Variants in PIBF1 observed in about 807,000 individuals in gnomAD.
PIBF1 encodes progesterone immunomodulatory binding factor 1.
In PIBF1, 90 loss-of-function variants were observed where a neutral mutation model predicts 112.5. That is an observed-to-expected ratio of 0.80 (90% CI 0.67 to 0.95). The LOEUF (loss-of-function observed/expected upper bound fraction) is 0.95. Among genes scored for constraint, PIBF1 ranks in the 40% least tolerant of loss-of-function variants. The pLI is 0.00. For synonymous variants in PIBF1, 301 were observed against 288.6 expected, an observed-to-expected ratio of 1.04 and a Z score of -0.44; for missense variants, 915 against 852.3, an observed-to-expected ratio of 1.07 and a Z score of -0.92.
At position 72,999,006 on chromosome 13, in the gene PIBF1, T is replaced by G. The variant is rs1330909450; in HGVS notation, c.2223+11T>G. On this transcript the variant is annotated intron_variant, in intron 17 of 17. Transcript: ENST00000326291. ...AAACCAACACTCTTTGTAAGTACAA[T>G]TTTTAAAACTCATAATTTTAATATT... 1 of 1,489,960 alleles carries G rather than the reference T, an allele frequency of 6.7e-7. No homozygotes were observed. Among genetic ancestry groups the G allele is most frequent in the East Asian group, 2.3e-5 (1 of 43,472 alleles). The allele number at this position is 1,489,960 out of a possible 1,614,324, so 92.3% of individuals were successfully genotyped here.
intron 17 of PIBF1, among the ~76,000 whole-genome samples, chr13:73,015,529 C>T (rs2044358653): frequency 6.6e-6 from 1 of 152,106 alleles, no homozygotes; most frequent in African/African-American, 2.4e-5. Context: ...TATCTATTAT[C>T]TATATAGATG....
rs1187665155 is a variant in PIBF1, at chr13:72,933,158, TCA to T, written c.1833+1894_1833+1895del. ...TAGATCCCTCATGTTGCCTTTAATT[TCA>T]CAGTAATTTTCAAAAATATTTTTTA... is the stretch of plus-strand genomic sequence containing the variant. On this transcript the variant is annotated intron_variant, in intron 14 of 17. Transcript: ENST00000326291. Among the ~76,000 whole-genome samples the T allele has an allele frequency of 2.6e-5, 4 of 152,344 alleles. No individual in the cohort carries two copies. The East Asian group carries it at 7.7e-4, about 29-fold the overall frequency.
intron 5 of PIBF1, among the ~76,000 whole-genome samples, chr13:72,806,152 A>G (rs2138030430): frequency 6.6e-6 from 1 of 152,328 alleles, no homozygotes; most frequent in East Asian, 1.9e-4. Flanking sequence ...GATCTCTAGT[A>G]CTTTTGTATG....
intron 17 of PIBF1, 89 bp from the exon 18 acceptor site, chr13:73,015,780 A>T: frequency 1.7e-6 from 1 of 580,668 alleles, no homozygotes; most frequent in Non-Finnish European, 2.8e-6. Context: ...CTTACATAAA[A>T]AAACCTCAAT....
chr13:72,942,467 G>A (rs1420978845), intron 14 of PIBF1, among the ~76,000 whole-genome samples: 2 of 151,802 alleles, frequency 1.3e-5, no homozygotes, highest in Non-Finnish European at 2.9e-5. Context: ...TTTCAATGCC[G>A]AATCCCTTGT....
intron 11 of PIBF1, chr13:72,901,104 A>G (rs1245687889): frequency 4.5e-6 from 2 of 448,184 alleles, no homozygotes; most frequent in Admixed American, 4.8e-5. Context: ...CAGCAAAAGG[A>G]ACAGTCAACA....
rs543305270 is a variant in PIBF1, at chr13:72,991,345, T to A, written c.2050-7477T>A. On this transcript the variant is annotated intron_variant, in intron 16 of 17. Transcript: ENST00000326291. ...ATCCTTGCCCTTAACTCTTCAATTT[T>A]GAAAAGTAATTATTATACTGCAACA... Among the ~76,000 whole-genome samples the A allele has an allele frequency of 8.2e-4, 125 of 152,216 alleles. 1 individual carries two copies. The highest frequency in any genetic ancestry group is 1.6e-3 in the Non-Finnish European group (111 of 68,050).
Position 72,883,768 on chromosome 13 carries a change from G to A in PIBF1, c.1323-10016G>A, listed in dbSNP as rs372143701. Among the ~76,000 whole-genome samples, 8 of 152,272 alleles carry A rather than the reference G, an allele frequency of 5.3e-5. No homozygotes were observed. The East Asian group carries it at 7.7e-4, about 15-fold the overall frequency. On this transcript the variant is annotated intron_variant, in intron 10 of 17. Transcript: ENST00000326291. ...CTCCCAAACTTCTGGAATTACAAGC[G>A]TGAGTCACCACGCCTGGCCTAATTG...
intron 11 of PIBF1, among the ~76,000 whole-genome samples, chr13:72,904,046 A>T (rs1327492050): frequency 6.6e-6 from 1 of 152,148 alleles, no homozygotes; most frequent in Non-Finnish European, 1.5e-5. Flanking sequence ...AATGACGGGA[A>T]AATGGAAGTA....
intron 5 of PIBF1, among the ~76,000 whole-genome samples, chr13:72,815,814 C>G (rs1349775731): frequency 3.9e-5 from 6 of 152,146 alleles, no homozygotes; most frequent in Admixed American, 3.9e-4. Flanking sequence ...TACAGGCATG[C>G]ACCATCACAC....
chr13:72,810,887 C>T (rs2035975209), intron 5 of PIBF1, among the ~76,000 whole-genome samples: 2 of 148,534 alleles, frequency 1.3e-5, no homozygotes, highest in African/African-American at 2.5e-5. Context: ...GACGGAGTCT[C>T]GTTCTGTTGC....
intron 16 of PIBF1, among the ~76,000 whole-genome samples, chr13:72,985,996 A>AAT (rs1566519595): frequency 4.6e-5 from 7 of 151,760 alleles, no homozygotes; most frequent in African/African-American, 1.7e-4. Context: ...AGAAAAAAAA[A>AAT]TTTTTTAAAA....
At chr13:72,827,622 G>A in intron 7 of PIBF1, 111 bp from the exon 8 acceptor site, 1 of 638,760 alleles carries the variant, frequency 1.6e-6, no homozygotes, top group Non-Finnish European at 2.5e-6. Context: ...CTTTTTAAAA[G>A]GAAAATTTTC....
chr13:72,894,077 AAAC>A (rs1566415370), intron 11 of PIBF1, 128 bp downstream of exon 11: 1 of 472,760 alleles, frequency 2.1e-6, no homozygotes, highest in Non-Finnish European at 3.6e-6. Context: ...AAAAAAAAAA[AAAC>A]AAGGAAATAC....
chr13:72,792,681 C>G (rs1355015062), intron 3 of PIBF1, 134 bp downstream of exon 3: 1 of 554,810 alleles, frequency 1.8e-6, no homozygotes, highest in East Asian at 3.2e-5. Flanking sequence ...ATTTTTACAC[C>G]TAGACCACAA....
At chr13:72,848,889 A>G (rs1248982234) in intron 9 of PIBF1, among the ~76,000 whole-genome samples, 1 of 152,128 alleles carries the variant, frequency 6.6e-6, no homozygotes, top group Non-Finnish European at 1.5e-5. Flanking sequence ...TTATAATTTA[A>G]GTAACCATAC....
chr13:72,967,750 A>G (rs1450549142), intron 15 of PIBF1, among the ~76,000 whole-genome samples: 1 of 152,192 alleles, frequency 6.6e-6, no homozygotes, highest in Non-Finnish European at 1.5e-5. Context: ...CTTCTGAAAT[A>G]TTCTATAATA....
intron 14 of PIBF1, among the ~76,000 whole-genome samples, chr13:72,964,419 T>A (rs1487574316): frequency 2.0e-5 from 3 of 152,202 alleles, no homozygotes; most frequent in Non-Finnish European, 2.9e-5. Flanking sequence ...TGGTAGCTAT[T>A]CAACATTATG....
At chr13:72,905,117 T>C (rs2040651639) in intron 11 of PIBF1, among the ~76,000 whole-genome samples, 1 of 151,256 alleles carries the variant, frequency 6.6e-6, no homozygotes, top group Non-Finnish European at 1.5e-5. Context: ...ACCCAAGCTG[T>C]AGTGTGATGG....
Sources: allele counts gnomAD v4.1 joint callset (sites outside exome capture counted in the v4.1 genomes callset), GRCh38; gene constraint gnomAD v4.1.1; transcripts MANE v1.5; gene names NCBI Gene and HGNC (gene_info 2026-07-23, HGNC 2026-07-21).